The following TEX9 variants were observed in gnomAD, a reference collection of about 807,000 sequenced individuals.
TEX9 encodes testis expressed 9.
TEX9 carries 74 observed loss-of-function variants against 59.6 expected under a neutral mutation model. The ratio of observed to expected loss-of-function variants is 1.24; its 90% confidence interval spans 1.03 to 1.51. The LOEUF is 1.51. TEX9 is among the 40% of genes most tolerant of loss of function. TEX9 has a pLI of 0.00. For missense variants in TEX9, 522 were observed against 447.8 expected (o/e 1.17, Z -1.49); for synonymous variants, 186 against 152.2 (o/e 1.22, Z -1.64).
intron 1 of TEX9, among the ~76,000 whole-genome samples, chr15:56,295,823 A>C (rs2045204616): frequency 6.6e-6 from 1 of 152,150 alleles, no homozygotes; most frequent in African/African-American, 2.4e-5. Context: ...CAAGCTCCCC[A>C]TTGGGACAGG....
chr15:56,248,997 C>T (rs529064897), intron 1 of TEX9: 12 of 152,186 alleles, frequency 7.9e-5, no homozygotes, highest in African/African-American at 2.6e-4. Context: ...TATATTGGGA[C>T]CTTAGAAAGA....
At chr15:56,379,752 T>C (rs1420473583) in intron 3 of TEX9, among the ~76,000 whole-genome samples, 1 of 152,236 alleles carries the variant, frequency 6.6e-6, no homozygotes, top group Non-Finnish European at 1.5e-5. Context: ...GCAATCATTA[T>C]ATCCTGTTGC....
chr15:56,277,734 A>AT (rs1489024184), intron 1 of TEX9, among the ~76,000 whole-genome samples: 3 of 152,212 alleles, frequency 2.0e-5, no homozygotes, highest in Non-Finnish European at 4.4e-5. Flanking sequence ...TATACCTCAC[A>AT]TTACATGGCC....
intron 1 of TEX9, among the ~76,000 whole-genome samples, chr15:56,302,320 TACAC>T (rs56766153): frequency 0.012 from 1,588 of 135,750 alleles, 10 homozygotes; most frequent in East Asian, 0.022. Context: ...AGACACTGTT[TACAC>T]ACACACACAC....
intron 1 of TEX9, among the ~76,000 whole-genome samples, chr15:56,308,854 C>A (rs1438722161): frequency 6.6e-6 from 1 of 152,132 alleles, no homozygotes; most frequent in Non-Finnish European, 1.5e-5. Flanking sequence ...AATCAATTGA[C>A]CATAAGTAGA....
At chr15:56,251,219 G>A (rs2044007348) in intron 1 of TEX9, among the ~76,000 whole-genome samples, 1 of 152,068 alleles carries the variant, frequency 6.6e-6, no homozygotes, top group South Asian at 2.1e-4. Flanking sequence ...TTATATTGTG[G>A]CTGATGTTAG....
chr15:56,434,002 A>C, intron 12 of TEX9: 2 of 962,654 alleles, frequency 2.1e-6, no homozygotes, highest in Non-Finnish European at 1.4e-6. Context: ...AAATGGTCAG[A>C]AAATTTATAT....
At chr15:56,444,782 AT>A in intron 12 of TEX9, 2 of 1,010,738 alleles carry the variant, frequency 2.0e-6, no homozygotes, top group South Asian at 3.3e-5. Flanking sequence ...CATAAAATAA[AT>A]TTTTTCATCT....
At chr15:56,427,515 A>ACTT in intron 10 of TEX9, 90 bp from the exon 11 acceptor site, 3 of 872,846 alleles carry the variant, frequency 3.4e-6, no homozygotes, top group Non-Finnish European at 4.8e-6. Flanking sequence ...TTAAGAAAGT[A>ACTT]CTTTTTATTA....
At chr15:56,307,666 C>G (rs1169612795) in intron 1 of TEX9, among the ~76,000 whole-genome samples, 1 of 152,122 alleles carries the variant, frequency 6.6e-6, no homozygotes, top group Non-Finnish European at 1.5e-5. Context: ...GCACAATCAC[C>G]AAGGTCTAAT....
At chr15:56,421,083 C>T (rs2049955845) in intron 10 of TEX9, among the ~76,000 whole-genome samples, 1 of 151,734 alleles carries the variant, frequency 6.6e-6, no homozygotes, top group South Asian at 2.1e-4. Flanking sequence ...TTGTTCAATA[C>T]TTCTGTATCT....
At chr15:56,345,807 T>C (rs17819414) in intron 1 of TEX9, among the ~76,000 whole-genome samples, 25,762 of 152,182 alleles carry the variant, frequency 0.17, 2,818 homozygotes, top group Non-Finnish European at 0.24. Context: ...AGTAATAGCT[T>C]TGGGGCAAGG....
rs1324673390 is a variant in TEX9, at chr15:56,258,605, A to G, written c.-107+14327A>G. Among the ~76,000 whole-genome samples, 7 of 152,048 alleles carry G rather than the reference A, an allele frequency of 4.6e-5. No homozygotes were observed. The South Asian group carries it at 1.5e-3, about 32-fold the overall frequency. On this transcript the variant is annotated intron_variant, in intron 1 of 5. Transcript: ENST00000560827. ...CTTGGCTTGCCTGTTTTTGGTGTTT[A>G]GGAATGCTAGCGATTTTTGCACATT... is the stretch of plus-strand genomic sequence containing the variant.
chr15:56,261,511 A>G (rs1156884238), intron 1 of TEX9, among the ~76,000 whole-genome samples: 1 of 152,108 alleles, frequency 6.6e-6, no homozygotes, highest in African/African-American at 2.4e-5. Context: ...TGAGGTCAGG[A>G]GTTCGAGACC....
chr15:56,312,349 A>G (rs1361428754), intron 1 of TEX9, among the ~76,000 whole-genome samples: 2 of 142,674 alleles, frequency 1.4e-5, no homozygotes, highest in Non-Finnish European at 3.1e-5. Context: ...ATCCAGTTTC[A>G]GCTTTCTACA....
At chr15:56,275,955 A>T (rs1567070542) in intron 1 of TEX9, among the ~76,000 whole-genome samples, 1 of 152,086 alleles carries the variant, frequency 6.6e-6, no homozygotes, top group Non-Finnish European at 1.5e-5. Context: ...AGCACTTTAC[A>T]TATGCCATTC....
At chr15:56,440,345 C>G (rs1491002997) in intron 12 of TEX9, among the ~76,000 whole-genome samples, 1 of 152,108 alleles carries the variant, frequency 6.6e-6, no homozygotes, top group African/African-American at 2.4e-5. Flanking sequence ...AGACAGACTG[C>G]GTAACTCATA....
At chr15:56,277,379 GT>G (rs1382822058) in intron 1 of TEX9, among the ~76,000 whole-genome samples, 1 of 152,144 alleles carries the variant, frequency 6.6e-6, no homozygotes, top group Non-Finnish European at 1.5e-5. Context: ...TCCAGTTTCT[GT>G]TTTCTGTGTA....
intron 1 of TEX9, among the ~76,000 whole-genome samples, chr15:56,308,172 C>T (rs1192988878): frequency 1.3e-5 from 2 of 152,166 alleles, no homozygotes; most frequent in East Asian, 3.8e-4. Context: ...AGCAGCTGCA[C>T]TATTTTACAT....
Sources: allele counts gnomAD v4.1 joint callset (sites outside exome capture counted in the v4.1 genomes callset), GRCh38; gene constraint gnomAD v4.1.1; transcripts MANE v1.5; gene names NCBI Gene and HGNC (gene_info 2026-07-23, HGNC 2026-07-21).